PRTG: variants seen among roughly 807,000 people sequenced by gnomAD.
PRTG encodes protogenin.
A neutral mutation model predicts 122.5 loss-of-function variants in PRTG; 67 were observed. That is an observed-to-expected ratio of 0.55 (90% confidence interval 0.45 to 0.67). The LOEUF (loss-of-function observed/expected upper bound fraction) is 0.67. Among genes scored for constraint, PRTG ranks in the 30% least tolerant of loss-of-function variants. PRTG has a pLI of 0.00. For synonymous variants in PRTG, 554 were observed against 501.1 expected (o/e 1.11, Z -1.41); for missense variants, 1,435 against 1,415.4 (o/e 1.01, Z -0.22).
rs1192004677 is a variant in PRTG at position 55,612,621 on chromosome 15, C to T, written c.*7391G>A. ...TGAAAAAGATCTTTTAGAGAAAAAT[C>T]CTAAATATGTACTTTTCTCCTCACC... On this transcript the variant is annotated 3_prime_UTR_variant, in exon 20 of 20. Transcript: ENST00000389286. 2 of 147,598 alleles carry T rather than the reference C, an allele frequency of 1.4e-5. No individual in the cohort carries two copies. The highest frequency in any genetic ancestry group is 5.1e-5 in the African/African-American group (2 of 39,128). The allele number at this position is 147,598 out of a possible 1,614,324, so 9.1% of individuals were successfully genotyped here.
chr15:55,718,306 T>C (rs2030676202), intron 2 of PRTG, among the ~76,000 whole-genome samples: 1 of 152,174 alleles, frequency 6.6e-6, no homozygotes, highest in Admixed American at 6.5e-5. Context: ...GCCTGACATC[T>C]AGGCATTCTT....
At chr15:55,648,239 T>A (rs1223461577) in intron 11 of PRTG, among the ~76,000 whole-genome samples, 1 of 152,184 alleles carries the variant, frequency 6.6e-6, no homozygotes, top group Non-Finnish European at 1.5e-5. Flanking sequence ...TAATTCAATC[T>A]GTTATTAATA....
chr15:55,635,113 AC>A (rs2059250743), intron 15 of PRTG, among the ~76,000 whole-genome samples: 1 of 72,998 alleles, frequency 1.4e-5, no homozygotes, highest in Admixed American at 1.7e-4. Flanking sequence ...GTTTTTTGAG[AC>A]AGAGTCTCAC....
chr15:55,733,622 T>C lies in PRTG; in HGVS notation c.397+6760A>G, dbSNP rs148332629. 3.5e-3 allele frequency among the ~76,000 whole-genome samples: 512 copies of C among 145,774 alleles called. 3 individuals carry two copies. Among genetic ancestry groups the C allele is most frequent in the African/African-American group, 0.012 (481 of 39,124 alleles). ...TGGGAGGAATGCTTGAGCCCAGGAG[T>C]TCAAGGTCAGCCTGGGCAACATAGC... On this transcript the variant is annotated intron_variant, in intron 2 of 19. Transcript: ENST00000389286.
At chr15:55,634,468 T>C (rs887059332) in intron 15 of PRTG, among the ~76,000 whole-genome samples, 3 of 152,212 alleles carry the variant, frequency 2.0e-5, no homozygotes, top group Non-Finnish European at 4.4e-5. Context: ...CCTCATTAAA[T>C]CAGGTTAGTT....
intron 11 of PRTG, among the ~76,000 whole-genome samples, chr15:55,645,699 T>C (rs2059318411): frequency 6.6e-6 from 1 of 152,084 alleles, no homozygotes. Context: ...CCAACGCCTA[T>C]GGGACAAACC....
At chr15:55,706,628 T>C (rs972702220) in intron 2 of PRTG, among the ~76,000 whole-genome samples, 6 of 149,236 alleles carry the variant, frequency 4.0e-5, no homozygotes, top group African/African-American at 1.2e-4. Context: ...TAGTTGTACA[T>C]GGTGGCTCGT....
intron 1 of PRTG, chr15:55,742,383 C>T (rs1262300239): frequency 6.4e-6 from 1 of 155,562 alleles, no homozygotes; most frequent in African/African-American, 2.4e-5. Context: ...CGCGAGGAAC[C>T]GCGGCGCCCC....
At chr15:55,655,295 C>T (rs2059373640) in intron 11 of PRTG, 1 of 152,122 alleles carries the variant, frequency 6.6e-6, no homozygotes, top group African/African-American at 2.4e-5. Flanking sequence ...TTAAAAGACA[C>T]TGAAGATGCT....
In PRTG at chr15:55,672,628, T is replaced by G; in HGVS notation, c.1858A>C (p.Lys620Gln). 1 of 1,611,132 alleles carries G rather than the reference T, an allele frequency of 6.2e-7. No homozygotes were observed. Among genetic ancestry groups the G allele is most frequent in the Non-Finnish European group, 8.5e-7 (1 of 1,178,718 alleles). Residue 620 changes from lysine to glutamine, a missense_variant, in exon 11 of 20, where the codon AAG (lysine) becomes CAG (glutamine). Transcript: ENST00000389286. ...GGCTCCAAATGCAACTCTGGAGACT[T>G]AGGGGCTAGCAAAATTCATCAGAAA... ...TPKATSVKAP[K>Q]SPELHLEPLN...
At chr15:55,685,189 C>T (rs2059563451) in intron 2 of PRTG, among the ~76,000 whole-genome samples, 1 of 152,110 alleles carries the variant, frequency 6.6e-6, no homozygotes, top group Non-Finnish European at 1.5e-5. Flanking sequence ...GGTAATAGGG[C>T]TACATGAACT....
At chr15:55,674,172 A>G (rs1223491159) in intron 9 of PRTG, among the ~76,000 whole-genome samples, 3 of 152,212 alleles carry the variant, frequency 2.0e-5, no homozygotes, top group Non-Finnish European at 4.4e-5. Flanking sequence ...TCCTCCAAAC[A>G]TTTTAATAAA....
chr15:55,703,549 A>G (rs1447776719), intron 2 of PRTG, among the ~76,000 whole-genome samples: 1 of 152,228 alleles, frequency 6.6e-6, no homozygotes, highest in African/African-American at 2.4e-5. Context: ...AGAAGAGGTT[A>G]AAAACAAGGA....
chr15:55,622,834 C>G (rs374818887), intron 18 of PRTG, among the ~76,000 whole-genome samples: 1 of 152,090 alleles, frequency 6.6e-6, no homozygotes, highest in African/African-American at 2.4e-5. Context: ...CCGCACTTGG[C>G]CTGTATCAGT....
rs559321690 is a variant in PRTG, at chr15:55,716,304, C to T, written c.397+24078G>A. On this transcript the variant is annotated intron_variant, in intron 2 of 19. Coordinates refer to ENST00000389286, the MANE Select transcript of PRTG (RefSeq NM_173814.6). ...TGGTTCTCTAAATAAAATTATATAT[C>T]AATCACAATAATTTCACTTTTTATT... Among the ~76,000 whole-genome samples the T allele has an allele frequency of 2.6e-5, 4 of 152,274 alleles. No individual in the cohort carries two copies. In the East Asian group the frequency reaches 7.7e-4, roughly 29 times the overall value.
At chr15:55,678,469 T>C (rs1297516420) in intron 7 of PRTG, among the ~76,000 whole-genome samples, 2 of 152,284 alleles carry the variant, frequency 1.3e-5, no homozygotes, top group African/African-American at 4.8e-5. Flanking sequence ...TGGTCTTAAA[T>C]TCCTAGGCTG....
chr15:55,662,309 T>C (rs76123597), intron 11 of PRTG, among the ~76,000 whole-genome samples: 12,384 of 152,278 alleles, frequency 0.081, 555 homozygotes, highest in Non-Finnish European at 0.11. Context: ...ATTTTAATAT[T>C]GTTTGCAATC....
At chr15:55,738,002 C>CTCTT (rs1248440584) in intron 2 of PRTG, among the ~76,000 whole-genome samples, 7 of 96,680 alleles carry the variant, frequency 7.2e-5, no homozygotes, top group African/African-American at 1.5e-4. Context: ...CTCTCTCTCT[C>CTCTT]TATATATATA....
chr15:55,619,758 TA>T lies in PRTG; in HGVS notation c.*253del. ...AAAACAAAACACATTCAAAAAAAGC[TA>T]AAATACCCCATAAAGATATTAAGAT... is the stretch of plus-strand genomic sequence containing the variant. On this transcript the variant is annotated 3_prime_UTR_variant, in exon 20 of 20. Transcript: ENST00000389286. 1 of 473,942 alleles carries T rather than the reference TA, an allele frequency of 2.1e-6. No individual in the cohort carries two copies. Among genetic ancestry groups the T allele is most frequent in the Non-Finnish European group, 3.6e-6 (1 of 280,848 alleles). The allele number at this position is 473,942 out of a possible 1,614,324, so 29.4% of individuals were successfully genotyped here. A position where few individuals can be genotyped will look rare whatever the true frequency, so the allele number is the denominator to read the frequency against.
Sources: allele counts gnomAD v4.1 joint callset (sites outside exome capture counted in the v4.1 genomes callset), GRCh38; gene constraint gnomAD v4.1.1; transcripts MANE v1.5; gene names NCBI Gene and HGNC (gene_info 2026-07-23, HGNC 2026-07-21).